CTPS2: variants seen among roughly 807,000 people sequenced by gnomAD.
The protein encoded by CTPS2 is CTP synthase II.
CTPS2 carries 19 observed loss-of-function variants against 46.8 expected under a neutral mutation model. That is an observed-to-expected ratio of 0.41 (90% confidence interval 0.28 to 0.60). CTPS2 has a LOEUF of 0.60. Among genes scored for constraint, CTPS2 ranks in the 20% least tolerant of loss-of-function variants. CTPS2 has a pLI of 0.35. For synonymous variants in CTPS2, 151 were observed against 165.2 expected (o/e 0.91, Z 0.66); for missense variants, 286 against 447.6 (o/e 0.64, Z 3.26).
At chrX:16,686,237 G>A (rs567262004) in intron 8 of CTPS2, among the ~76,000 whole-genome samples, 13 of 112,303 alleles carry the variant, frequency 1.2e-4, no homozygotes, top group African/African-American at 3.9e-4. Context: ...TACTTGGATT[G>A]TTTGTATTGC....
At chrX:16,642,542 A>AC (rs778005649) in intron 13 of CTPS2, among the ~76,000 whole-genome samples, 95 of 111,408 alleles carry the variant, frequency 8.5e-4, no homozygotes, top group Non-Finnish European at 1.2e-3. Flanking sequence ...AGCTGGTGGA[A>AC]CCCCAACACT....
chrX:16,664,843 C>T, intron 13 of CTPS2, among the ~76,000 whole-genome samples: 1 of 111,569 alleles, frequency 9.0e-6, no homozygotes, highest in Non-Finnish European at 1.9e-5. Context: ...GGAGCTCCCA[C>T]ATACAACAAA....
At position 16,588,142 on chromosome X, in the gene CTPS2, T is replaced by C. The variant is rs1028544401; in HGVS notation, c.*1675A>G. 7.9e-5 allele frequency: 8 copies of C among 101,669 alleles called. No individual in the cohort carries two copies. The highest frequency in any genetic ancestry group is 3.2e-4 in the African/African-American group (8 of 24,882). 8.4% of individuals were successfully genotyped at this position (101,669 alleles called of 1,213,427 possible). A position where few individuals can be genotyped will look rare whatever the true frequency, so the allele number is the denominator to read the frequency against. Reference sequence around the variant, plus strand: ...AGGGGCTCTTGGGCTCTCAATGCAATAGAAACTGACATGGGGCCAAAAGAC... The same window carrying C: ...AGGGGCTCTTGGGCTCTCAATGCAACAGAAACTGACATGGGGCCAAAAGAC... On this transcript the variant is annotated 3_prime_UTR_variant, in exon 19 of 19. Coordinates refer to ENST00000359276, the MANE Select transcript of CTPS2 (RefSeq NM_175859.3).
chrX:16,616,429 C>T (rs977142148), intron 16 of CTPS2, among the ~76,000 whole-genome samples: 5 of 111,721 alleles, frequency 4.5e-5, no homozygotes, highest in African/African-American at 1.6e-4. Context: ...AGCCAGGTCC[C>T]TCAAGCAACA....
At chrX:16,648,869 A>G (rs1265495351) in intron 13 of CTPS2, among the ~76,000 whole-genome samples, 3 of 112,327 alleles carry the variant, frequency 2.7e-5, no homozygotes, top group African/African-American at 9.7e-5. Flanking sequence ...TTTAGAGCTG[A>G]GAAACATCAG....
At chrX:16,637,477 C>A (rs1157585785) in intron 14 of CTPS2, among the ~76,000 whole-genome samples, 1 of 112,494 alleles carries the variant, frequency 8.9e-6, no homozygotes, top group Non-Finnish European at 1.9e-5. Context: ...CCACAGCCTC[C>A]CAAAGTGCTG....
rs755580923 is a variant in CTPS2 at position 16,702,596 on chromosome X, A to T, written c.166+141T>A. The T allele has an allele frequency of 1.0e-4, 54 of 516,464 alleles. No homozygotes were observed. The African/African-American group carries it at 1.2e-3, about 12-fold the overall frequency. The allele number at this position is 516,464 out of a possible 1,213,427, so 42.6% of individuals were successfully genotyped here. A position where few individuals can be genotyped will look rare whatever the true frequency, so the allele number is the denominator to read the frequency against. ...CAGAGGTATGAACAATGTATCAATG[A>T]CCATGAGAAAATTCACATATTCATA... On this transcript the variant is annotated intron_variant, in intron 2 of 18. Coordinates refer to ENST00000359276, the MANE Select transcript of CTPS2 (RefSeq NM_175859.3).
chrX:16,606,131 C>G (rs746660628), intron 17 of CTPS2, among the ~76,000 whole-genome samples: 1 of 112,757 alleles, frequency 8.9e-6, no homozygotes, highest in Non-Finnish European at 1.9e-5. Context: ...TTTTTACACT[C>G]CATGCTTTAA....
chrX:16,663,520 A>C (rs1933036050), intron 13 of CTPS2, among the ~76,000 whole-genome samples: 1 of 111,462 alleles, frequency 9.0e-6, no homozygotes, highest in African/African-American at 3.3e-5. Flanking sequence ...AAAAACACAC[A>C]CACAAATCTC....
intron 1 of CTPS2, among the ~76,000 whole-genome samples, chrX:16,703,177 AC>A (rs1385507907): frequency 3.7e-5 from 4 of 108,873 alleles, no homozygotes; most frequent in Admixed American, 3.0e-4. Context: ...GGTGAGCACC[AC>A]CACGCCCTGC....
chrX:16,634,834 G>A (rs1382205383), intron 14 of CTPS2, among the ~76,000 whole-genome samples: 3 of 109,762 alleles, frequency 2.7e-5, no homozygotes, highest in Admixed American at 1.9e-4. Flanking sequence ...CTGTACTCTC[G>A]GCTACTCGAG....
chrX:16,638,697 G>T (rs1379068294), intron 14 of CTPS2: 4 of 262,487 alleles, frequency 1.5e-5, no homozygotes, highest in Non-Finnish European at 3.0e-5. Context: ...CTTCTGAGGT[G>T]CATAACTGCC....
chrX:16,596,247 T>C (rs1929255180), intron 17 of CTPS2, among the ~76,000 whole-genome samples: 1 of 109,700 alleles, frequency 9.1e-6, no homozygotes, highest in Admixed American at 9.7e-5. Flanking sequence ...ATGTGCAGGT[T>C]AGTTACATAT....
At chrX:16,607,868 T>C (rs1222961784) in intron 17 of CTPS2, among the ~76,000 whole-genome samples, 1 of 113,058 alleles carries the variant, frequency 8.8e-6, no homozygotes. Flanking sequence ...ACGATATCCT[T>C]GGATGAGAAG....
rs766954710 is a variant in CTPS2 at position 16,670,770 on chromosome X, G to C, written c.1095-96C>G. On this transcript the variant is annotated intron_variant, in intron 10 of 18. Coordinates refer to ENST00000359276, the MANE Select transcript of CTPS2 (RefSeq NM_175859.3). ...CGTGCAATGCTTGGTCCAATCACTA[G>C]TGACTATGCTCAAGCTCTATTTTCA... 107 of 524,115 alleles carry C rather than the reference G, an allele frequency of 2.0e-4. 1 individual carries two copies. In the Middle Eastern group the frequency reaches 4.9e-3, roughly 24 times the overall value. The allele number at this position is 524,115 out of a possible 1,213,427, so 43.2% of individuals were successfully genotyped here. A position where few individuals can be genotyped will look rare whatever the true frequency, so the allele number is the denominator to read the frequency against.
chrX:16,683,013 C>T, intron 9 of CTPS2, 81 bp downstream of exon 9: 1 of 1,112,149 alleles, frequency 9.0e-7, no homozygotes, highest in Non-Finnish European at 1.2e-6. Flanking sequence ...CTCAGGGACC[C>T]TTTAACAAAA....
rs766195382 is a variant in CTPS2, at chrX:16,617,282, G to A, written c.1450-36C>T. ...AGAAATTAAGTGTTTATGGGCCACA[G>A]TGCAATACCAGCTGCCATACCAGGT... On this transcript the variant is annotated intron_variant, in intron 15 of 18. Coordinates refer to ENST00000359276, the MANE Select transcript of CTPS2 (RefSeq NM_175859.3). 41 of 1,017,649 alleles carry A rather than the reference G, an allele frequency of 4.0e-5. No homozygotes were observed. In the South Asian group the frequency reaches 5.8e-4, roughly 14 times the overall value. 83.9% of individuals were successfully genotyped at this position (1,017,649 alleles called of 1,213,427 possible).
intron 16 of CTPS2, among the ~76,000 whole-genome samples, chrX:16,616,410 C>G (rs1423994359): frequency 8.9e-6 from 1 of 111,809 alleles, no homozygotes; most frequent in Admixed American, 9.5e-5. Flanking sequence ...TGGAGAAAGG[C>G]AGGAGAGGAG....
At chrX:16,709,667 G>A (rs1925306535) in intron 1 of CTPS2, among the ~76,000 whole-genome samples, 1 of 108,543 alleles carries the variant, frequency 9.2e-6, no homozygotes, top group Admixed American at 1.0e-4. Flanking sequence ...TGGCCAACAT[G>A]GTTAAACCTT....
Sources: allele counts gnomAD v4.1 joint callset (sites outside exome capture counted in the v4.1 genomes callset), GRCh38; gene constraint gnomAD v4.1.1; transcripts MANE v1.5; gene names NCBI Gene and HGNC (gene_info 2026-07-23, HGNC 2026-07-21).